Variants in FAT2 observed in about 807,000 individuals in gnomAD.
The protein encoded by FAT2 is protocadherin Fat 2.
In FAT2, 150 loss-of-function variants were observed where a neutral mutation model predicts 295.3. That is an observed-to-expected ratio of 0.51 (90% CI 0.44 to 0.58). The LOEUF is 0.58. Ranked by LOEUF, FAT2 falls within the 20% of genes least tolerant of loss-of-function variation. The pLI is 0.00. For missense variants in FAT2, 4,868 were observed against 5,442.7 expected (o/e 0.89, Z 3.32); for synonymous variants, 2,026 against 2,150.3 (o/e 0.94, Z 1.60).
chr5:151,521,197 C>T (rs763035330), intron 19 of FAT2, 79 bp downstream of exon 19: 13 of 1,429,362 alleles, frequency 9.1e-6, no homozygotes, highest in Non-Finnish European at 1.1e-5. Flanking sequence ...CACAGAGCCT[C>T]AGTGGAATCT....
At position 151,507,420 on chromosome 5, in the gene FAT2, G is replaced by A; in HGVS notation, c.12251C>T (p.Pro4084Leu). ...ACCAACACTCCTGGCCAGGAGGTCT[G>A]GGTCCTCCATGGCCACAGGCTTGTG... is the stretch of plus-strand genomic sequence containing the variant. ...KSHKPVAMEDPDLLARSVGVD... is the reference protein window; with the variant it reads ...KSHKPVAMEDLDLLARSVGVD... The change falls in exon 23 of 24, where the codon CCA becomes CTA. Residue 4084 changes from proline to leucine, a missense_variant. Physicochemically the swap from Pro to Leu is moderately conservative, Grantham distance 98. Coordinates refer to ENST00000261800, the MANE Select transcript of FAT2 (RefSeq NM_001447.3). The A allele has an allele frequency of 6.2e-7, 1 of 1,614,178 alleles. No individual in the cohort carries two copies. Among genetic ancestry groups the A allele is most frequent in the South Asian group, 1.1e-5 (1 of 91,082 alleles).
chr5:151,512,665 A>C lies in FAT2; in HGVS notation c.11464-59T>G. On this transcript the variant is annotated intron_variant, in intron 20 of 23. Coordinates refer to ENST00000261800, the MANE Select transcript of FAT2 (RefSeq NM_001447.3). This position sits in a 1 kb window ranked among gnomAD's most constrained non-coding sequence, Gnocchi z 4.1. ...CCAAGGAGTCCTTGTAAACCTGCTA[A>C]GAGGCTGCCAGTTCAAAGAATGTTG... 1 of 1,416,598 alleles carries C rather than the reference A, an allele frequency of 7.1e-7. No individual in the cohort carries two copies. Among genetic ancestry groups the C allele is most frequent in the Non-Finnish European group, 9.6e-7 (1 of 1,045,986 alleles). The allele number at this position is 1,416,598 out of a possible 1,614,324, so 87.8% of individuals were successfully genotyped here.
chr5:151,552,659 C>A (rs1359455335), intron 6 of FAT2, among the ~76,000 whole-genome samples: 1 of 152,158 alleles, frequency 6.6e-6, no homozygotes, highest in Admixed American at 6.5e-5. Context: ...GATGTTGAAA[C>A]AAAACCTTGA....
Position 151,549,324 on chromosome 5 carries a change from T to C in FAT2, c.4760A>G (p.Asn1587Ser). 1.9e-6 allele frequency: 3 copies of C among 1,613,466 alleles called. No individual in the cohort carries two copies. The highest frequency in any genetic ancestry group is 1.8e-4 in the Middle Eastern group (1 of 5,542). The change falls in exon 9 of 24, where the codon AAT becomes AGT. Residue 1587 changes from asparagine to serine, a missense_variant. Coordinates refer to ENST00000261800, the MANE Select transcript of FAT2 (RefSeq NM_001447.3). ...CAGGAGGGAGTAGTGGACCTCAGCA[T>C]TGACTCCCCGGTCAGCATCCATGGC... ...VRAMDADRGV[N>S]AEVHYSLLKG... is the part of the protein sequence containing the mutation.
chr5:151,511,512 T>A (rs1164723632), intron 21 of FAT2: 1 of 152,410 alleles, frequency 6.6e-6, no homozygotes, highest in Admixed American at 6.5e-5. Context: ...TCACACAGCT[T>A]CACAAGGAGA....
At chr5:151,574,080 C>G (rs1295445710) in intron 1 of FAT2, among the ~76,000 whole-genome samples, 1 of 152,246 alleles carries the variant, frequency 6.6e-6, no homozygotes, top group East Asian at 1.9e-4. Context: ...AACGAGCCCC[C>G]CAATGGCAGC....
At position 151,534,394 on chromosome 5, in the gene FAT2, C is replaced by T. The variant is rs369161153; in HGVS notation, c.9427+15G>A. The T allele has an allele frequency of 1.4e-5, 22 of 1,587,130 alleles. No individual in the cohort carries two copies. Among genetic ancestry groups the T allele is most frequent in the Non-Finnish European group, 1.7e-5 (20 of 1,162,288 alleles). On this transcript the variant is annotated intron_variant, in intron 13 of 23. Transcript: ENST00000261800. ...GGAGATCATTGGAAATGGCCTCAAT[C>T]CTTCTCAGACTCACCTTGGTCGGGA...
chr5:151,505,557 A>G lies in FAT2; in HGVS notation c.*8T>C. 6.2e-7 allele frequency: 1 copy of G among 1,613,944 alleles called. No individual in the cohort carries two copies. Among genetic ancestry groups the G allele is most frequent in the South Asian group, 1.1e-5 (1 of 91,070 alleles). The stretch of plus-strand genomic sequence containing the variant: ...GCCTCCCGCCTGCCTTGCTCTGGGA[A>G]TGGGAAGCTAGAACATGACCTCCTC... On this transcript the variant is annotated 3_prime_UTR_variant, in exon 24 of 24. Transcript: ENST00000261800.
At chr5:151,572,965 A>G (rs186800306) in intron 1 of FAT2, among the ~76,000 whole-genome samples, 85 of 152,338 alleles carry the variant, frequency 5.6e-4, no homozygotes, top group Middle Eastern at 3.4e-3. Context: ...GAATGTGCAC[A>G]TTTACAAGAG....
rs145112890 is a variant in FAT2 at position 151,531,734 on chromosome 5, C to T, written c.9664G>A (p.Glu3222Lys). 46 of 1,613,724 alleles carry T rather than the reference C, an allele frequency of 2.9e-5. No individual in the cohort carries two copies. The highest frequency in any genetic ancestry group is 5.0e-5 in the Admixed American group (3 of 60,008). Residue 3222 changes from glutamate to lysine, a missense_variant, in exon 14 of 24, where the codon GAG becomes AAG. Around this residue, in one of 5 missense-constraint regions of FAT2, gnomAD observed 1,046 missense variants for 1,210.1 expected, o/e 0.86. Coordinates refer to ENST00000261800, the MANE Select transcript of FAT2 (RefSeq NM_001447.3). The surrounding 1 kb of genome is among the most constrained non-coding windows in gnomAD (Gnocchi z 5.7). ...TCCTCGGGCACCTGCACGCTGTGCT[C>T]GGTGTTCAGGAACACGGGCAGGTAG... Reference protein sequence around the residue: ...EDYLPVFLNTEHSVQVPEDAP... With the variant: ...EDYLPVFLNTKHSVQVPEDAP...
intron 20 of FAT2, among the ~76,000 whole-genome samples, chr5:151,516,782 G>A (rs1752915984): frequency 6.6e-6 from 1 of 152,116 alleles, no homozygotes; most frequent in Non-Finnish European, 1.5e-5. Flanking sequence ...TTAAAATCTA[G>A]TGGCCAAAGT....
intron 1 of FAT2, among the ~76,000 whole-genome samples, chr5:151,577,552 A>G (rs558434630): frequency 3.9e-4 from 60 of 152,300 alleles, no homozygotes; most frequent in African/African-American, 1.3e-3. Context: ...GGGGTAGAGC[A>G]TGGAGGGGAG....
In FAT2 at chr5:151,525,889, TA is replaced by T. The variant is rs777534201; in HGVS notation, c.10384del (p.Tyr3462ThrfsTer16). 1.9e-6 allele frequency: 3 copies of T among 1,613,820 alleles called. No homozygotes were observed. Among genetic ancestry groups the T allele is most frequent in the South Asian group, 1.1e-5 (1 of 91,058 alleles). On this transcript the variant is annotated frameshift_variant, in exon 18 of 24. Transcript: ENST00000261800. LOFTEE classifies it high-confidence loss of function. ...GTTCCCCTTGGTGATTCGAAACGAG[TA>T]GGGGGGGCCATTCTCTGGAGAATCT... ...DPDSPENGPP[Y>X]SFRITKGNNG...
chr5:151,518,694 G>A lies in FAT2; in HGVS notation c.11318-929C>T, dbSNP rs115692352. Reference sequence around the variant, plus strand: ...TGTAAAGTCTGGCATCCTCCATCCCGCCTTAGCAATGGCTAATGCACAGTT... The same window carrying A: ...TGTAAAGTCTGGCATCCTCCATCCCACCTTAGCAATGGCTAATGCACAGTT... On this transcript the variant is annotated intron_variant, in intron 19 of 23. Transcript: ENST00000261800. 2.6e-3 allele frequency among the ~76,000 whole-genome samples: 396 copies of A among 152,292 alleles called. 2 individuals are homozygous for A. Among genetic ancestry groups the A allele is most frequent in the Middle Eastern group, 3.4e-3 (1 of 294 alleles).
intron 1 of FAT2, among the ~76,000 whole-genome samples, chr5:151,588,559 A>G (rs987374799): frequency 6.6e-6 from 1 of 152,180 alleles, no homozygotes; most frequent in African/African-American, 2.4e-5. Flanking sequence ...TATGAATTCA[A>G]AATGAAGATT....
intron 1 of FAT2, among the ~76,000 whole-genome samples, chr5:151,581,829 C>G (rs1262165137): frequency 1.3e-5 from 2 of 152,168 alleles, no homozygotes; most frequent in East Asian, 3.9e-4. Context: ...ATCATATGAT[C>G]CCTCCCCCAT....
intron 14 of FAT2, among the ~76,000 whole-genome samples, chr5:151,529,730 T>G (rs1754387027): frequency 6.6e-6 from 1 of 152,244 alleles, no homozygotes; most frequent in East Asian, 1.9e-4. Flanking sequence ...TCCCATTTTC[T>G]AGGTCAGTCC....
In FAT2 at chr5:151,531,111, C is replaced by A. The variant is rs1397684803; in HGVS notation, c.9811+476G>T. Among the ~76,000 whole-genome samples the A allele has an allele frequency of 6.6e-6, 1 of 152,122 alleles. No homozygotes were observed. The highest frequency in any genetic ancestry group is 1.5e-5 in the Non-Finnish European group (1 of 68,020). ...AAAGAAGTGAGACGGTTTCCTAGTT[C>A]TCTCTCTCTTCAAGAGAATAAGGGA... is the stretch of plus-strand genomic sequence containing the variant. On this transcript the variant is annotated intron_variant, in intron 14 of 23. Coordinates refer to ENST00000261800, the MANE Select transcript of FAT2 (RefSeq NM_001447.3). This position sits in a 1 kb window ranked among gnomAD's most constrained non-coding sequence, Gnocchi z 5.7.
intron 17 of FAT2, among the ~76,000 whole-genome samples, chr5:151,526,783 A>G (rs917705730): frequency 5.9e-5 from 9 of 151,850 alleles, no homozygotes; most frequent in African/African-American, 2.2e-4. Flanking sequence ...CTTTTTATTC[A>G]CTCCCTCACC....
Sources: allele counts gnomAD v4.1 joint callset (sites outside exome capture counted in the v4.1 genomes callset), GRCh38; gene constraint gnomAD v4.1.1; regional missense constraint gnomAD v4.1.1; non-coding constraint Gnocchi (gnomAD v3.1); transcripts MANE v1.5; gene names NCBI Gene and HGNC (gene_info 2026-07-23, HGNC 2026-07-21).